The following EPB41L5 variants were observed in gnomAD, a reference collection of about 807,000 sequenced individuals.
EPB41L5 encodes erythrocyte membrane protein band 4.1 like 5, also known as band 4.1-like protein 5.
In EPB41L5, 55 loss-of-function variants were observed where a neutral mutation model predicts 106.6. The ratio of observed to expected loss-of-function variants is 0.52; its 90% CI spans 0.42 to 0.65. The LOEUF is 0.65. Ranked by LOEUF, EPB41L5 falls within the 30% of genes least tolerant of loss-of-function variation. The probability of loss-of-function intolerance (pLI) is 0.00; values close to 1 mark genes in which losing one functional copy is unlikely to be tolerated. For synonymous variants in EPB41L5, 297 were observed against 306.7 expected (o/e 0.97, Z 0.33); for missense variants, 871 against 882.1 (o/e 0.99, Z 0.16).
chr2:120,162,370 T>G (rs1482080766), intron 21 of EPB41L5, among the ~76,000 whole-genome samples: 1 of 152,246 alleles, frequency 6.6e-6, no homozygotes, highest in Non-Finnish European at 1.5e-5. Flanking sequence ...ACACTTACCA[T>G]TTGTCTTTTT....
At chr2:120,105,572 T>G (rs1684400933) in intron 16 of EPB41L5, 5 of 985,326 alleles carry the variant, frequency 5.1e-6, no homozygotes, top group South Asian at 4.7e-5. Flanking sequence ...ATTTAAAGAA[T>G]GAAATTTGTA....
chr2:120,075,512 C>T lies in EPB41L5; in HGVS notation c.444C>T (p.Leu148=), dbSNP rs751991389. The part of the protein sequence containing the change: ...LFVLQLKQDI[L]SGKLDCPFDT... Reference sequence around the variant, plus strand: ...TTCTTCAGTTAAAACAAGATATTCTCAGTGGAAAGTGAGTATTAGTTATTT... The same window carrying T: ...TTCTTCAGTTAAAACAAGATATTCTTAGTGGAAAGTGAGTATTAGTTATTT... Residue 148 remains leucine (L), a synonymous_variant, in exon 6 of 25, where the codon CTC becomes CTT. Transcript: ENST00000263713. 1.9e-6 allele frequency: 3 copies of T among 1,571,162 alleles called. No individual in the cohort carries two copies. The highest frequency in any genetic ancestry group is 2.2e-5 in the East Asian group (1 of 44,516).
intron 2 of EPB41L5, among the ~76,000 whole-genome samples, chr2:120,033,431 G>A (rs566965879): frequency 5.3e-5 from 8 of 152,266 alleles, no homozygotes; most frequent in African/African-American, 1.7e-4. Context: ...TTATGGGCCA[G>A]GCATGGTGGC....
Position 120,030,115 on chromosome 2 carries a change from G to A in EPB41L5, c.180+10851G>A, listed in dbSNP as rs982985730. Among the ~76,000 whole-genome samples the A allele has an allele frequency of 2.6e-5, 4 of 152,182 alleles. No homozygotes were observed. The South Asian group carries it at 6.2e-4, about 24-fold the overall frequency. On this transcript the variant is annotated intron_variant, in intron 2 of 24. Coordinates refer to ENST00000263713, the MANE Select transcript of EPB41L5 (RefSeq NM_020909.4). ...AAGCTGTCCTTGTTCATTCCTGGGC[G>A]TAGGCCTAACTAACTTCGGGAAGGA...
At chr2:120,066,212 A>G (rs1681433536) in intron 3 of EPB41L5, among the ~76,000 whole-genome samples, 1 of 152,190 alleles carries the variant, frequency 6.6e-6, no homozygotes, top group Non-Finnish European at 1.5e-5. Flanking sequence ...GCCTTAAGTA[A>G]TATGTGTTCA....
At chr2:120,081,494 C>G (rs1213609136) in intron 10 of EPB41L5, among the ~76,000 whole-genome samples, 2 of 152,152 alleles carry the variant, frequency 1.3e-5, no homozygotes, top group East Asian at 3.8e-4. Context: ...CAGTACCATG[C>G]TGTTTTGGTT....
chr2:120,056,052 C>G (rs1269077422), intron 3 of EPB41L5, among the ~76,000 whole-genome samples: 1 of 152,064 alleles, frequency 6.6e-6, no homozygotes, highest in East Asian at 1.9e-4. Context: ...CTTCTACCAT[C>G]AAGTATGGTG....
At chr2:120,031,531 T>C (rs986544231) in intron 2 of EPB41L5, among the ~76,000 whole-genome samples, 1 of 152,226 alleles carries the variant, frequency 6.6e-6, no homozygotes, top group Admixed American at 6.5e-5. Flanking sequence ...GGGTCTGTTT[T>C]CACTTTCCTG....
At chr2:120,106,711 T>C (rs1335607096) in intron 16 of EPB41L5, 1 of 985,310 alleles carries the variant, frequency 1.0e-6, no homozygotes, top group East Asian at 1.1e-4. Context: ...TCAAGGAAAC[T>C]TGTAGAAACA....
At chr2:120,029,457 A>G (rs900059883) in intron 2 of EPB41L5, among the ~76,000 whole-genome samples, 5 of 152,076 alleles carry the variant, frequency 3.3e-5, no homozygotes, top group Non-Finnish European at 7.4e-5. Flanking sequence ...CAACCTCCCA[A>G]AGTGCTGGGA....
At chr2:120,049,022 A>G (rs920722896) in intron 3 of EPB41L5, among the ~76,000 whole-genome samples, 2 of 152,180 alleles carry the variant, frequency 1.3e-5, no homozygotes, top group African/African-American at 4.8e-5. Flanking sequence ...CTGTGGTCTG[A>G]GAGACAGTTT....
chr2:120,174,709 G>A, intron 24 of EPB41L5, 132 bp from the exon 25 acceptor site: 1 of 747,742 alleles, frequency 1.3e-6, no homozygotes, highest in Non-Finnish European at 2.5e-6. Flanking sequence ...CAGGTTAGGT[G>A]TTACTACATA....
intron 3 of EPB41L5, among the ~76,000 whole-genome samples, chr2:120,067,488 A>T (rs937048755): frequency 6.6e-6 from 1 of 152,222 alleles, no homozygotes. Context: ...GTGTCCTGTC[A>T]CTGTTAGGAC....
chr2:120,104,433 A>G, intron 16 of EPB41L5: 5 of 1,346,622 alleles, frequency 3.7e-6, no homozygotes, highest in Non-Finnish European at 4.7e-6. Flanking sequence ...TATAGCATCA[A>G]TGATAATGAC....
At chr2:120,156,941 T>C (rs916557216) in intron 20 of EPB41L5, among the ~76,000 whole-genome samples, 2 of 152,210 alleles carry the variant, frequency 1.3e-5, no homozygotes, top group African/African-American at 4.8e-5. Flanking sequence ...CAAATGGACC[T>C]AATAGACATC....
chr2:120,062,388 C>T (rs560699498), intron 3 of EPB41L5, among the ~76,000 whole-genome samples: 12 of 152,310 alleles, frequency 7.9e-5, no homozygotes, highest in Admixed American at 2.0e-4. Context: ...CCTGATCTTA[C>T]TGCTGCCCAA....
intron 20 of EPB41L5, among the ~76,000 whole-genome samples, chr2:120,147,715 T>C (rs1686472876): frequency 6.6e-6 from 1 of 152,060 alleles, no homozygotes. Flanking sequence ...TTGAAGTCTT[T>C]CAGAATAAAA....
intron 2 of EPB41L5, among the ~76,000 whole-genome samples, chr2:120,030,549 A>T (rs1402444966): frequency 6.6e-6 from 1 of 151,898 alleles, no homozygotes; most frequent in Non-Finnish European, 1.5e-5. Flanking sequence ...CTACCTGCCA[A>T]ATTATCTTTA....
intron 3 of EPB41L5, among the ~76,000 whole-genome samples, chr2:120,051,481 G>A (rs1032628907): frequency 2.0e-5 from 3 of 152,226 alleles, no homozygotes. Context: ...TTCCTGGTGT[G>A]CCGTTTGCTA....
Sources: gnomAD v4.1 joint callset for allele counts (sites outside exome capture counted in the v4.1 genomes callset) on GRCh38, gnomAD v4.1.1 for gene constraint, MANE v1.5 for transcripts, NCBI Gene and HGNC (gene_info 2026-07-23, HGNC 2026-07-21) for gene names.